The following FHIT variants were observed in gnomAD, a reference collection of about 807,000 sequenced individuals.
FHIT encodes the protein bis(5'-adenosyl)-triphosphatase.
FHIT carries 19 observed loss-of-function variants against 17.9 expected under a neutral mutation model. The observed-to-expected ratio is 1.06, with a 90% CI of 0.74 to 1.56. The LOEUF is 1.56. Among genes scored for constraint, FHIT ranks in the 40% most tolerant of loss-of-function variants. FHIT has a pLI of 0.00. For synonymous variants in FHIT, 81 were observed against 69.7 expected (o/e 1.16, Z -0.81); for missense variants, 248 against 189.2 (o/e 1.31, Z -1.82).
At chr3:59,921,278 T>C (rs1705390637) in intron 8 of FHIT, among the ~76,000 whole-genome samples, 1 of 152,278 alleles carries the variant, frequency 6.6e-6, no homozygotes, top group African/African-American at 2.4e-5. Flanking sequence ...ATTTCATCAC[T>C]GCAAAGAAGC....
At chr3:61,014,597 G>C (rs1272285753) in intron 3 of FHIT, among the ~76,000 whole-genome samples, 1 of 151,122 alleles carries the variant, frequency 6.6e-6, no homozygotes, top group Non-Finnish European at 1.5e-5. Context: ...GGCTAACATG[G>C]AGAAACCCCG....
chr3:60,335,827 A>G (rs1182550837), intron 5 of FHIT, among the ~76,000 whole-genome samples: 2 of 146,630 alleles, frequency 1.4e-5, no homozygotes, highest in African/African-American at 4.9e-5. Context: ...ACTTTCTATT[A>G]GACAGTGCTG....
At chr3:60,774,785 C>T (rs777953813) in intron 4 of FHIT, among the ~76,000 whole-genome samples, 23 of 152,064 alleles carry the variant, frequency 1.5e-4, no homozygotes, top group Non-Finnish European at 3.2e-4. Context: ...ATGTCACTAA[C>T]GGGCAAGCAG....
At chr3:61,082,139 A>C (rs892703469) in intron 2 of FHIT, among the ~76,000 whole-genome samples, 1 of 152,186 alleles carries the variant, frequency 6.6e-6, no homozygotes, top group Non-Finnish European at 1.5e-5. Context: ...TGCATAAATC[A>C]GAATGAATTT....
At chr3:60,544,319 C>A (rs1270942480) in intron 4 of FHIT, among the ~76,000 whole-genome samples, 1 of 151,432 alleles carries the variant, frequency 6.6e-6, no homozygotes, top group East Asian at 1.9e-4. Flanking sequence ...CTAAAAATAT[C>A]CCTTCTATTT....
intron 5 of FHIT, among the ~76,000 whole-genome samples, chr3:60,317,454 T>C (rs1709214606): frequency 1.3e-5 from 2 of 151,356 alleles, no homozygotes; most frequent in East Asian, 1.9e-4. Context: ...CCCCCAGATC[T>C]CATAAAATAT....
At chr3:60,081,749 TG>T (rs531427476) in intron 5 of FHIT, among the ~76,000 whole-genome samples, 64 of 152,210 alleles carry the variant, frequency 4.2e-4, no homozygotes, top group African/African-American at 1.4e-3. Context: ...TATGTGTGTG[TG>T]TTTTGAGAGA....
chr3:60,521,234 T>TA (rs993780220), intron 5 of FHIT, among the ~76,000 whole-genome samples: 26 of 139,646 alleles, frequency 1.9e-4, no homozygotes, highest in East Asian at 8.3e-4. Context: ...TAATGGACAA[T>TA]AAAAAAAAAA....
intron 3 of FHIT, among the ~76,000 whole-genome samples, chr3:60,905,978 T>C (rs1311647119): frequency 6.6e-6 from 1 of 152,164 alleles, no homozygotes; most frequent in Non-Finnish European, 1.5e-5. Context: ...AAGTTTTACA[T>C]ATTCGAAATA....
chr3:60,228,832 C>T (rs910428607), intron 5 of FHIT, among the ~76,000 whole-genome samples: 3 of 152,168 alleles, frequency 2.0e-5, no homozygotes, highest in Non-Finnish European at 4.4e-5. Context: ...GACTGGTTCC[C>T]TACATGAGCA....
chr3:59,961,460 G>A (rs1174179690), intron 7 of FHIT, among the ~76,000 whole-genome samples: 1 of 152,084 alleles, frequency 6.6e-6, no homozygotes, highest in Non-Finnish European at 1.5e-5. Context: ...CTGATGTACG[G>A]GTAAAAAACT....
intron 5 of FHIT, among the ~76,000 whole-genome samples, chr3:60,205,997 G>T (rs1283407754): frequency 6.7e-6 from 1 of 150,236 alleles, no homozygotes; most frequent in Non-Finnish European, 1.5e-5. Context: ...GCCGGGCGTG[G>T]TTGCAGGCAC....
intron 5 of FHIT, among the ~76,000 whole-genome samples, chr3:60,291,328 G>A (rs1003065300): frequency 6.6e-6 from 1 of 152,106 alleles, no homozygotes; most frequent in Non-Finnish European, 1.5e-5. Flanking sequence ...AACCGGTTAG[G>A]ACTAGGTTTG....
intron 5 of FHIT, among the ~76,000 whole-genome samples, chr3:60,442,041 G>A (rs2030930389): frequency 6.6e-6 from 1 of 150,628 alleles, no homozygotes; most frequent in Non-Finnish European, 1.5e-5. Flanking sequence ...TTAACTTATT[G>A]TAGAAATGGG....
chr3:60,170,537 C>T (rs1410462792), intron 5 of FHIT, among the ~76,000 whole-genome samples: 1 of 152,054 alleles, frequency 6.6e-6, no homozygotes, highest in Admixed American at 6.6e-5. Context: ...ACCAGTGTGA[C>T]CCCAGCACTT....
intron 2 of FHIT, among the ~76,000 whole-genome samples, chr3:61,160,468 A>C (rs1432466623): frequency 3.3e-5 from 5 of 152,190 alleles, no homozygotes; most frequent in Non-Finnish European, 5.9e-5. Context: ...TACAATAATC[A>C]CTGTTACTTG....
intron 7 of FHIT, among the ~76,000 whole-genome samples, chr3:59,984,221 T>G (rs1453479230): frequency 6.6e-6 from 1 of 152,068 alleles, no homozygotes; most frequent in Non-Finnish European, 1.5e-5. Context: ...AGACTGAATT[T>G]CTCCAGAACT....
chr3:61,056,214 G>T (rs1017015578), intron 2 of FHIT, among the ~76,000 whole-genome samples: 5 of 152,158 alleles, frequency 3.3e-5, no homozygotes, highest in Non-Finnish European at 7.4e-5. Flanking sequence ...TTGAGCCCAG[G>T]AGTTTCAGAC....
At chr3:61,210,234 G>A (rs1244021074) in intron 1 of FHIT, among the ~76,000 whole-genome samples, 1 of 152,200 alleles carries the variant, frequency 6.6e-6, no homozygotes, top group Non-Finnish European at 1.5e-5. Context: ...GTACCTCCCA[G>A]TTAGGCTACT....
Sources: allele counts gnomAD v4.1 joint callset (sites outside exome capture counted in the v4.1 genomes callset), GRCh38; gene constraint gnomAD v4.1.1; transcripts MANE v1.5; gene names NCBI Gene and HGNC (gene_info 2026-07-23, HGNC 2026-07-21).